The following PUDP variants were observed in gnomAD, a reference collection of about 807,000 sequenced individuals.
PUDP encodes pseudouridine 5'-phosphatase, also known as pseudouridine-5'-phosphatase.
PUDP carries 8 observed loss-of-function variants against 9.4 expected under a neutral mutation model. The observed-to-expected ratio is 0.85, with a 90% CI of 0.50 to 1.53. The LOEUF is 1.53. Among genes scored for constraint, PUDP ranks in the 40% most tolerant of loss-of-function variants. PUDP has a pLI of 0.00. For missense variants in PUDP, 188 were observed against 189.7 expected (o/e 0.99, Z 0.05); for synonymous variants, 99 against 80.7 (o/e 1.23, Z -1.22).
intron 3 of PUDP, among the ~76,000 whole-genome samples, chrX:6,767,453 C>T (rs192247797): frequency 8.9e-6 from 1 of 112,466 alleles, no homozygotes; most frequent in Non-Finnish European, 1.9e-5. Context: ...TAGTCGCTGG[C>T]GAATGTGGAA....
intron 3 of PUDP, among the ~76,000 whole-genome samples, chrX:6,911,941 C>G (rs746772944): frequency 9.0e-6 from 1 of 111,389 alleles, no homozygotes; most frequent in Non-Finnish European, 1.9e-5. Flanking sequence ...TTCCTATAAC[C>G]TTAGTATTTT....
chrX:7,127,540 C>G (rs188192310), intron 1 of PUDP, among the ~76,000 whole-genome samples: 2 of 112,377 alleles, frequency 1.8e-5, no homozygotes, highest in East Asian at 2.8e-4. Flanking sequence ...GAAATGAAAA[C>G]TCTAATCACC....
chrX:6,885,853 C>A (rs1234256808), intron 3 of PUDP, among the ~76,000 whole-genome samples: 16 of 112,541 alleles, frequency 1.4e-4, no homozygotes, highest in Non-Finnish European at 1.9e-5. Flanking sequence ...CAACACCAAA[C>A]AAATGGAACT....
intron 1 of PUDP, among the ~76,000 whole-genome samples, chrX:7,024,730 G>A (rs1929683439): frequency 1.0e-5 from 1 of 97,316 alleles, no homozygotes; most frequent in Non-Finnish European, 2.0e-5. Flanking sequence ...GGGACTACAG[G>A]CGCTCGCCAC....
chrX:6,720,397 CCAGA>C (rs1924658562), intron 1 of PUDP, among the ~76,000 whole-genome samples: 1 of 102,753 alleles, frequency 9.7e-6, no homozygotes, highest in Admixed American at 1.1e-4. Flanking sequence ...GCAAATTAAG[CCAGA>C]CAGAGAAAGA....
At chrX:6,846,122 C>G (rs1217736341) in intron 3 of PUDP, among the ~76,000 whole-genome samples, 1 of 111,537 alleles carries the variant, frequency 9.0e-6, no homozygotes, top group Admixed American at 9.5e-5. Flanking sequence ...GTTTTGGAAA[C>G]ATTGGAAATT....
intron 3 of PUDP, among the ~76,000 whole-genome samples, chrX:6,869,448 A>G (rs1927139546): frequency 8.9e-6 from 1 of 111,838 alleles, no homozygotes; most frequent in South Asian, 3.8e-4. Flanking sequence ...ATCTGGGCTC[A>G]GATGGGGCTG....
chrX:6,915,984 C>T (rs1927922614), intron 3 of PUDP, among the ~76,000 whole-genome samples: 1 of 111,022 alleles, frequency 9.0e-6, no homozygotes, highest in African/African-American at 3.3e-5. Context: ...CAAAGTCATC[C>T]AGCAAGTGGC....
intron 3 of PUDP, among the ~76,000 whole-genome samples, chrX:6,864,951 C>G (rs974930029): frequency 9.0e-6 from 1 of 111,521 alleles, no homozygotes; most frequent in Non-Finnish European, 1.9e-5. Flanking sequence ...CAAAGGTCCT[C>G]GTAATTAAGA....
At position 6,936,799 on chromosome X, in the gene PUDP, A is replaced by T. The variant is rs1281265003; in HGVS notation, c.*247+40334T>A. Among the ~76,000 whole-genome samples the T allele has an allele frequency of 5.2e-5, 5 of 96,876 alleles. No individual in the cohort carries two copies. The East Asian group carries it at 1.7e-3, about 33-fold the overall frequency. The allele number at this position is 96,876 out of a possible 115,157, so 84.1% of individuals were successfully genotyped here. A position where few individuals can be genotyped will look rare whatever the true frequency, so the allele number is the denominator to read the frequency against. ...AACTTCAGCAAAGTCTCAGGATACAAAATCAATGTACAAAAATCACAAGCA... is the reference window on the plus strand; with the variant it reads ...AACTTCAGCAAAGTCTCAGGATACATAATCAATGTACAAAAATCACAAGCA... On this transcript the variant is annotated intron_variant and NMD_transcript_variant, in intron 3 of 3. Transcript: ENST00000655425.
intron 1 of PUDP, among the ~76,000 whole-genome samples, chrX:7,140,502 A>T (rs1050320122): frequency 9.0e-6 from 1 of 111,101 alleles, no homozygotes; most frequent in Non-Finnish European, 1.9e-5. Context: ...GCTCCTTTAC[A>T]TTGCTTTAAG....
At chrX:6,881,716 T>C (rs1427340652) in intron 3 of PUDP, among the ~76,000 whole-genome samples, 1 of 110,887 alleles carries the variant, frequency 9.0e-6, no homozygotes, top group African/African-American at 3.3e-5. Flanking sequence ...TTAAGTATAT[T>C]AATCCTCACA....
At chrX:6,861,578 T>C (rs1467332933) in intron 3 of PUDP, among the ~76,000 whole-genome samples, 2 of 112,121 alleles carry the variant, frequency 1.8e-5, no homozygotes, top group East Asian at 2.8e-4. Context: ...AGTTTTGAAA[T>C]TCTGCCAAGA....
chrX:6,822,551 C>T (rs759849196), intron 3 of PUDP, among the ~76,000 whole-genome samples: 2 of 111,958 alleles, frequency 1.8e-5, no homozygotes, highest in African/African-American at 3.2e-5. Context: ...CTCAGCCTCC[C>T]GAGTAGCTGG....
intron 3 of PUDP, among the ~76,000 whole-genome samples, chrX:6,850,678 G>C (rs992401388): frequency 2.4e-4 from 27 of 112,358 alleles, no homozygotes; most frequent in African/African-American, 7.4e-4. Flanking sequence ...TAATATATTT[G>C]CTCATAATCC....
At chrX:7,030,738 C>T in intron 1 of PUDP, among the ~76,000 whole-genome samples, 1 of 111,141 alleles carries the variant, frequency 9.0e-6, no homozygotes, top group Admixed American at 9.5e-5. Context: ...ACGTTACTGG[C>T]TCTAACATTA....
At chrX:6,781,338 G>A (rs1925558516) in intron 3 of PUDP, among the ~76,000 whole-genome samples, 1 of 111,686 alleles carries the variant, frequency 9.0e-6, no homozygotes, top group African/African-American at 3.3e-5. Flanking sequence ...AAAAGGCCAT[G>A]GGTCACCCAT....
intron 3 of PUDP, among the ~76,000 whole-genome samples, chrX:6,794,651 A>G (rs1483577513): frequency 3.7e-5 from 4 of 108,352 alleles, no homozygotes; most frequent in Non-Finnish European, 7.7e-5. Context: ...GGTCACTGCA[A>G]CCTCTGCCTC....
chrX:7,137,190 A>G (rs1191703328), intron 1 of PUDP, among the ~76,000 whole-genome samples: 3 of 101,277 alleles, frequency 3.0e-5, no homozygotes, highest in African/African-American at 7.3e-5. Flanking sequence ...GCAGTGAGCC[A>G]AGATCGCGCC....
Sources: gnomAD v4.1 joint callset for allele counts (sites outside exome capture counted in the v4.1 genomes callset) on GRCh38, gnomAD v4.1.1 for gene constraint, MANE v1.5 for transcripts, NCBI Gene and HGNC (gene_info 2026-07-23, HGNC 2026-07-21) for gene names.